The following CSMD1 variants were observed in gnomAD, a reference collection of about 807,000 sequenced individuals.
The protein encoded by CSMD1 is CUB and Sushi multiple domains 1.
Under a neutral mutation model 417.5 loss-of-function variants are expected in CSMD1, and 213 were observed. That is an observed-to-expected ratio of 0.51 (90% CI 0.46 to 0.57). The LOEUF (loss-of-function observed/expected upper bound fraction) is 0.57. CSMD1 is among the 20% of genes least tolerant of loss of function. CSMD1 has a pLI of 0.00. For missense variants in CSMD1, 6,923 were observed against 4,529.7 expected (o/e 1.53, Z -15.17); for synonymous variants, 2,862 against 1,736.8 (o/e 1.65, Z -16.11).
intron 30 of CSMD1, among the ~76,000 whole-genome samples, chr8:3,211,410 G>C (rs112808800): frequency 3.3e-5 from 5 of 152,302 alleles, no homozygotes; most frequent in South Asian, 2.1e-4. Flanking sequence ...CAGCTGCTGA[G>C]ATGGTCAGTA....
At chr8:4,259,942 C>G (rs1297974732) in intron 3 of CSMD1, among the ~76,000 whole-genome samples, 2 of 152,062 alleles carry the variant, frequency 1.3e-5, no homozygotes, top group Non-Finnish European at 2.9e-5. Context: ...ATCCATTTTG[C>G]TAACAAATGT....
At chr8:2,948,401 T>G (rs866431029) in intron 68 of CSMD1, among the ~76,000 whole-genome samples, 1 of 151,912 alleles carries the variant, frequency 6.6e-6, no homozygotes, top group African/African-American at 2.4e-5. Context: ...CCACATATGT[T>G]CCTCCTTTAA....
rs542877137 is a variant in CSMD1 at position 3,303,616 on chromosome 8, C to T, written c.3950+4079G>A. Among the ~76,000 whole-genome samples, 21 of 152,284 alleles carry T rather than the reference C, an allele frequency of 1.4e-4. 2 individuals are homozygous for T. In the South Asian group the frequency reaches 4.4e-3, roughly 32 times the overall value. ...AAAGTGAGCTTTCCAGACAATTACACTGGCAGAAAAGCAATTAAAGCTTAG... is the reference window on the plus strand; with the variant it reads ...AAAGTGAGCTTTCCAGACAATTACATTGGCAGAAAAGCAATTAAAGCTTAG... On this transcript the variant is annotated intron_variant, in intron 25 of 69. Transcript: ENST00000635120.
chr8:3,745,624 T>C (rs545145849), intron 6 of CSMD1, among the ~76,000 whole-genome samples: 1 of 152,318 alleles, frequency 6.6e-6, no homozygotes, highest in African/African-American at 2.4e-5. Flanking sequence ...AGCACTCCAC[T>C]GAGACTCTGA....
intron 3 of CSMD1, among the ~76,000 whole-genome samples, chr8:4,109,475 C>A (rs1801740029): frequency 6.6e-6 from 1 of 152,162 alleles, no homozygotes; most frequent in African/African-American, 2.4e-5. Context: ...TGTAACCCTA[C>A]TTTACAATCC....
At chr8:4,804,540 A>AGAGG (rs1205496654) in intron 1 of CSMD1, among the ~76,000 whole-genome samples, 3 of 151,008 alleles carry the variant, frequency 2.0e-5, no homozygotes, top group South Asian at 4.2e-4. Context: ...AGAGAGAGAG[A>AGAGG]GAGGGAGGGA....
intron 3 of CSMD1, among the ~76,000 whole-genome samples, chr8:4,037,881 T>A (rs1797699754): frequency 6.6e-6 from 1 of 152,082 alleles, no homozygotes; most frequent in South Asian, 2.1e-4. Flanking sequence ...ATACGTACAA[T>A]AACTGAAATT....
chr8:2,996,052 G>C (rs185854933), intron 54 of CSMD1, among the ~76,000 whole-genome samples: 8 of 152,212 alleles, frequency 5.3e-5, no homozygotes, highest in Admixed American at 5.2e-4. Context: ...AGAGTGGGTA[G>C]GGGACAAAAA....
Position 3,493,616 on chromosome 8 carries a change from T to G in CSMD1, c.1448+7A>C. On this transcript the variant is annotated splice_region_variant and intron_variant, in intron 11 of 69. Transcript: ENST00000635120. ...TAAGAGAAGAAGAAGCTCAAGGACA[T>G]ACTCACACGTACAAGACCGATCTGG... The G allele has an allele frequency of 6.2e-7, 1 of 1,602,676 alleles. No homozygotes were observed. The highest frequency in any genetic ancestry group is 8.5e-7 in the Non-Finnish European group (1 of 1,173,870).
At chr8:3,613,170 T>G (rs1031712675) in intron 8 of CSMD1, 5 of 184,242 alleles carry the variant, frequency 2.7e-5, no homozygotes, top group African/African-American at 1.2e-4. Flanking sequence ...TAGATTAAAA[T>G]TTATAATTTC....
intron 2 of CSMD1, among the ~76,000 whole-genome samples, chr8:4,509,665 A>G (rs1802712319): frequency 1.3e-5 from 2 of 152,190 alleles, no homozygotes; most frequent in Non-Finnish European, 2.9e-5. Flanking sequence ...TGCTAAGTCC[A>G]TAATAATAAT....
At chr8:4,743,470 C>A in intron 1 of CSMD1, among the ~76,000 whole-genome samples, 1 of 152,100 alleles carries the variant, frequency 6.6e-6, no homozygotes, top group Non-Finnish European at 1.5e-5. Flanking sequence ...TCTCACGGGC[C>A]GGTCAGAAAC....
intron 7 of CSMD1, among the ~76,000 whole-genome samples, chr8:3,661,551 C>T (rs1036838700): frequency 2.0e-5 from 3 of 151,548 alleles, no homozygotes; most frequent in African/African-American, 7.3e-5. Flanking sequence ...GGCTGCAGTG[C>T]GGTGGCACAA....
At position 3,000,017 on chromosome 8, in the gene CSMD1, G is replaced by A; in HGVS notation, c.8144C>T (p.Thr2715Ile). The A allele has an allele frequency of 3.7e-6, 6 of 1,608,022 alleles. No homozygotes were observed. Among genetic ancestry groups the A allele is most frequent in the Non-Finnish European group, 5.1e-6 (6 of 1,178,894 alleles). Residue 2715 changes from threonine (T) to isoleucine (I), a missense_variant, in exon 53 of 70, where the codon ACT becomes ATT. Coordinates refer to ENST00000635120, the MANE Select transcript of CSMD1 (RefSeq NM_033225.6). ...QCNPGFRLVGTSVRICLQDHK... is the reference protein window; with the variant it reads ...QCNPGFRLVGISVRICLQDHK... ...GTCTTGCAGGCATATCCTCACGGAA[G>A]TTCCCACAAGCCGGAAACCAGGATT...
At chr8:3,086,177 A>G (rs1376049220) in intron 49 of CSMD1, among the ~76,000 whole-genome samples, 3 of 151,414 alleles carry the variant, frequency 2.0e-5, no homozygotes, top group African/African-American at 7.3e-5. Context: ...TCTAAAAGAA[A>G]AAGTATTCTT....
At chr8:4,309,294 T>C (rs1798428787) in intron 3 of CSMD1, among the ~76,000 whole-genome samples, 1 of 152,134 alleles carries the variant, frequency 6.6e-6, no homozygotes, top group African/African-American at 2.4e-5. Flanking sequence ...TACAATATAA[T>C]TGCACTGTCT....
At chr8:4,554,448 C>A (rs752822213) in intron 2 of CSMD1, among the ~76,000 whole-genome samples, 1 of 152,128 alleles carries the variant, frequency 6.6e-6, no homozygotes, top group Non-Finnish European at 1.5e-5. Context: ...GACACAGTCA[C>A]TTTTTAACAT....
At chr8:3,125,056 T>C (rs1817421520) in intron 41 of CSMD1, among the ~76,000 whole-genome samples, 1 of 152,230 alleles carries the variant, frequency 6.6e-6, no homozygotes, top group South Asian at 2.1e-4. Context: ...TATAAAGTCA[T>C]ATTCTCTCTT....
intron 3 of CSMD1, among the ~76,000 whole-genome samples, chr8:4,205,027 C>G (rs1300853309): frequency 1.3e-5 from 2 of 152,040 alleles, no homozygotes; most frequent in African/African-American, 4.8e-5. Context: ...TGTATTCAAG[C>G]AAGAGTAATT....
Sources: allele counts gnomAD v4.1 joint callset (sites outside exome capture counted in the v4.1 genomes callset), GRCh38; gene constraint gnomAD v4.1.1; transcripts MANE v1.5; gene names NCBI Gene and HGNC (gene_info 2026-07-23, HGNC 2026-07-21).